Variants in AUTS2 observed in about 807,000 individuals in gnomAD.
AUTS2 encodes autism susceptibility gene 2 protein.
Under a neutral mutation model 112.4 loss-of-function variants are expected in AUTS2, and 17 were observed. The observed-to-expected ratio is 0.15, with a 90% CI of 0.10 to 0.23. The LOEUF is 0.23. Among genes scored for constraint, AUTS2 ranks in the 10% least tolerant of loss-of-function variants. The pLI is 1.00. For synonymous variants in AUTS2, 751 were observed against 702.7 expected (o/e 1.07, Z -1.09); for missense variants, 1,510 against 1,701.6 (o/e 0.89, Z 1.98).
intron 1 of AUTS2, among the ~76,000 whole-genome samples, chr7:69,844,554 A>G (rs1318381652): frequency 2.6e-5 from 4 of 152,186 alleles, no homozygotes; most frequent in African/African-American, 9.7e-5. Flanking sequence ...GATATGAGTA[A>G]TATATATTTT....
At chr7:70,561,196 T>C (rs1327402465) in intron 5 of AUTS2, among the ~76,000 whole-genome samples, 2 of 152,214 alleles carry the variant, frequency 1.3e-5, no homozygotes, top group African/African-American at 2.4e-5. Context: ...AACTCATCAG[T>C]TGTCTCTTGT....
intron 1 of AUTS2, among the ~76,000 whole-genome samples, chr7:69,826,042 C>CTTCT (rs969370933): frequency 6.6e-6 from 1 of 152,160 alleles, no homozygotes; most frequent in African/African-American, 2.4e-5. Context: ...TTTAAAAACT[C>CTTCT]TTCTTTCTTT....
chr7:70,607,790 T>C (rs1803864059), intron 5 of AUTS2, among the ~76,000 whole-genome samples: 1 of 152,088 alleles, frequency 6.6e-6, no homozygotes, highest in Non-Finnish European at 1.5e-5. Context: ...TAGGGAAAAA[T>C]GAGAATATTT....
chr7:70,117,519 C>T (rs1248017723), intron 2 of AUTS2, among the ~76,000 whole-genome samples: 2 of 151,954 alleles, frequency 1.3e-5, no homozygotes, highest in East Asian at 3.9e-4. Flanking sequence ...AAAAAAATTG[C>T]AGTGGAACAG....
chr7:70,333,261 G>A (rs181801799), intron 4 of AUTS2, among the ~76,000 whole-genome samples: 4 of 152,212 alleles, frequency 2.6e-5, no homozygotes, highest in African/African-American at 4.8e-5. Flanking sequence ...AATGAGATAC[G>A]ATTTCATGCC....
intron 2 of AUTS2, among the ~76,000 whole-genome samples, chr7:70,020,449 T>C (rs1025097147): frequency 2.0e-5 from 3 of 152,146 alleles, no homozygotes; most frequent in African/African-American, 4.8e-5. Flanking sequence ...AGGGCACTGA[T>C]GTTTGGTTCT....
At chr7:70,121,212 G>C (rs748591218) in intron 3 of AUTS2, among the ~76,000 whole-genome samples, 2 of 151,986 alleles carry the variant, frequency 1.3e-5, no homozygotes, top group East Asian at 1.9e-4. Context: ...ATGAATCAAT[G>C]ACCAAAATAT....
chr7:70,540,524 T>C (rs992027401), intron 5 of AUTS2, among the ~76,000 whole-genome samples: 5 of 152,150 alleles, frequency 3.3e-5, no homozygotes, highest in Non-Finnish European at 5.9e-5. Context: ...GAAAGTCCAT[T>C]GTGCCTGCTC....
intron 5 of AUTS2, among the ~76,000 whole-genome samples, chr7:70,512,173 A>C (rs762871120): frequency 7.9e-5 from 12 of 152,200 alleles, no homozygotes; most frequent in Non-Finnish European, 1.5e-4. Context: ...CCATCAAGGC[A>C]GTGGTGAACC....
At chr7:70,177,746 C>G (rs1159147837) in intron 4 of AUTS2, among the ~76,000 whole-genome samples, 1 of 152,084 alleles carries the variant, frequency 6.6e-6, no homozygotes, top group African/African-American at 2.4e-5. Flanking sequence ...TTTAAGCTTT[C>G]TGTATACCAC....
At chr7:70,291,321 G>A (rs1017812333) in intron 4 of AUTS2, 1 of 152,024 alleles carries the variant, frequency 6.6e-6, no homozygotes, top group Non-Finnish European at 1.5e-5. Context: ...TTTCAAAAAG[G>A]CATTTGAAGC....
chr7:70,626,627 C>A (rs74486944), intron 5 of AUTS2, among the ~76,000 whole-genome samples: 1 of 152,020 alleles, frequency 6.6e-6, no homozygotes, highest in African/African-American at 2.4e-5. Flanking sequence ...AGGTACTGAG[C>A]GCAGTACCCA....
chr7:70,253,527 T>C (rs557247075), intron 4 of AUTS2, among the ~76,000 whole-genome samples: 1 of 152,300 alleles, frequency 6.6e-6, no homozygotes, highest in Non-Finnish European at 1.5e-5. Flanking sequence ...CTGAGAACTT[T>C]GTGTGAGTAT....
chr7:70,520,645 G>T (rs750390344), intron 5 of AUTS2, among the ~76,000 whole-genome samples: 78 of 152,202 alleles, frequency 5.1e-4, no homozygotes, highest in Non-Finnish European at 9.0e-4. Flanking sequence ...TACTTTCTGA[G>T]ATTATTTTGA....
At chr7:69,602,036 ATATATGTGTGTGTGTGTGTG>A (rs1792452555) in intron 1 of AUTS2, among the ~76,000 whole-genome samples, 1 of 17,974 alleles carries the variant, frequency 5.6e-5, no homozygotes, top group Non-Finnish European at 1.4e-4. Context: ...ATATATATAT[ATATATGTGTGTGTGTGTGTG>A]TGTGTGTGTG....
chr7:70,150,409 G>T (rs1188339911), intron 4 of AUTS2, among the ~76,000 whole-genome samples: 1 of 152,120 alleles, frequency 6.6e-6, no homozygotes, highest in Non-Finnish European at 1.5e-5. Context: ...TCAGCCATAG[G>T]TCAAGAGTAA....
chr7:70,175,754 C>G (rs1352619242), intron 4 of AUTS2, among the ~76,000 whole-genome samples: 2 of 152,120 alleles, frequency 1.3e-5, no homozygotes, highest in African/African-American at 4.8e-5. Context: ...AGCAATAAAG[C>G]ATTTTTAAAA....
chr7:70,163,349 G>GC (rs1554329596), intron 4 of AUTS2, among the ~76,000 whole-genome samples: 2 of 105,796 alleles, frequency 1.9e-5, no homozygotes, highest in Admixed American at 1.8e-4. Flanking sequence ...GGTGGTGGGG[G>GC]GGGGGGGGGC....
At chr7:70,574,672 C>A (rs1802086292) in intron 5 of AUTS2, among the ~76,000 whole-genome samples, 1 of 152,186 alleles carries the variant, frequency 6.6e-6, no homozygotes. Flanking sequence ...AGGACTGTCT[C>A]CTGCCATTCT....
Sources: gnomAD v4.1 joint callset for allele counts (sites outside exome capture counted in the v4.1 genomes callset) on GRCh38, gnomAD v4.1.1 for gene constraint, MANE v1.5 for transcripts, NCBI Gene and HGNC (gene_info 2026-07-23, HGNC 2026-07-21) for gene names.